Variants in SGCZ observed in about 807,000 individuals in gnomAD.
SGCZ encodes sarcoglycan zeta.
Under a neutral mutation model 41.3 loss-of-function variants are expected in SGCZ, and 40 were observed. The ratio of observed to expected loss-of-function variants is 0.97; its 90% CI spans 0.75 to 1.26. SGCZ has a LOEUF of 1.26. Ranked by LOEUF, SGCZ falls within the 50% of genes most tolerant of loss-of-function variation. SGCZ has a pLI of 0.00. For synonymous variants in SGCZ, 206 were observed against 137.5 expected (o/e 1.50, Z -3.49); for missense variants, 552 against 369.8 (o/e 1.49, Z -4.04).
chr8:14,823,459 G>A (rs1359611454), intron 1 of SGCZ, among the ~76,000 whole-genome samples: 1 of 151,948 alleles, frequency 6.6e-6, no homozygotes, highest in Non-Finnish European at 1.5e-5. Flanking sequence ...CATAAGAAAG[G>A]CCAACAGATA....
In SGCZ at chr8:14,843,949, G is replaced by C. The variant is rs373291171; in HGVS notation, c.40-289023C>G. On this transcript the variant is annotated intron_variant, in intron 1 of 7. Transcript: ENST00000382080. ...TGAAATAAGAAAAAAATTTAGGAAG[G>C]AAAGAAGATTTGATATCATGGGGAA... Among the ~76,000 whole-genome samples the C allele has an allele frequency of 4.4e-3, 661 of 151,708 alleles. 5 individuals are homozygous for C. Among genetic ancestry groups the C allele is most frequent in the South Asian group, 0.018 (87 of 4,800 alleles).
rs187071712 is a variant in SGCZ at position 14,351,417 on chromosome 8, T to C, written c.235-27213A>G. Among the ~76,000 whole-genome samples, 24 of 152,196 alleles carry C rather than the reference T, an allele frequency of 1.6e-4. 1 individual carries two copies. Among genetic ancestry groups the C allele is most frequent in the Middle Eastern group, 6.8e-3 (2 of 294 alleles). Reference sequence around the variant, plus strand: ...CTTCAGCCTTGTCTTCACCTTCTCTTACCTACCCTCATTTTTTATCTGCCA... The same window carrying C: ...CTTCAGCCTTGTCTTCACCTTCTCTCACCTACCCTCATTTTTTATCTGCCA... On this transcript the variant is annotated intron_variant, in intron 2 of 7. Coordinates refer to ENST00000382080, the MANE Select transcript of SGCZ (RefSeq NM_139167.4).
At chr8:14,177,958 C>CTTTTTTTTTTTTTTTT (rs147303437) in intron 4 of SGCZ, among the ~76,000 whole-genome samples, 2 of 95,048 alleles carry the variant, frequency 2.1e-5, no homozygotes, top group Non-Finnish European at 4.3e-5. Flanking sequence ...CTTTTTTTTT[C>CTTTTTTTTTTTTTTTT]TTTTTTTTTT....
At chr8:14,226,885 T>G (rs750011346) in intron 4 of SGCZ, among the ~76,000 whole-genome samples, 2 of 152,150 alleles carry the variant, frequency 1.3e-5, no homozygotes, top group Admixed American at 6.6e-5. Flanking sequence ...ATCTTTTATT[T>G]TAGTCACTAT....
intron 2 of SGCZ, among the ~76,000 whole-genome samples, chr8:14,384,937 C>A (rs747822750): frequency 2.0e-5 from 3 of 152,202 alleles, no homozygotes; most frequent in Non-Finnish European, 2.9e-5. Context: ...GAAAATGTTA[C>A]GTCAGAGGAC....
At chr8:14,546,621 A>G (rs1803636572) in intron 2 of SGCZ, among the ~76,000 whole-genome samples, 1 of 152,170 alleles carries the variant, frequency 6.6e-6, no homozygotes, top group African/African-American at 2.4e-5. Context: ...ATGAGAGATT[A>G]GGTACATTCT....
At chr8:14,373,402 G>A (rs1017563410) in intron 2 of SGCZ, among the ~76,000 whole-genome samples, 12 of 152,136 alleles carry the variant, frequency 7.9e-5, no homozygotes, top group East Asian at 3.9e-4. Flanking sequence ...ATGGGCTAGT[G>A]ATAATCATTT....
chr8:14,711,435 CAAAA>C (rs543412312), intron 1 of SGCZ, among the ~76,000 whole-genome samples: 76 of 102,952 alleles, frequency 7.4e-4, no homozygotes, highest in African/African-American at 2.4e-3. Context: ...ACTAAAAATA[CAAAA>C]AAAAAAAAAA....
chr8:14,256,576 C>T (rs1024397187), intron 3 of SGCZ, among the ~76,000 whole-genome samples: 1 of 152,040 alleles, frequency 6.6e-6, no homozygotes, highest in East Asian at 1.9e-4. Flanking sequence ...TTTCTCCTCC[C>T]TGAAGGTTTA....
intron 1 of SGCZ, among the ~76,000 whole-genome samples, chr8:14,655,191 G>T (rs565581852): frequency 1.9e-4 from 29 of 152,166 alleles, no homozygotes; most frequent in African/African-American, 5.8e-4. Flanking sequence ...GGTATGAACT[G>T]TAAGTTATTC....
chr8:15,163,049 G>C (rs1414885674), intron 1 of SGCZ, among the ~76,000 whole-genome samples: 1 of 152,166 alleles, frequency 6.6e-6, no homozygotes, highest in East Asian at 1.9e-4. Flanking sequence ...TCTCAGGTAT[G>C]CTATGACTAG....
chr8:14,267,258 T>G (rs1416665303), intron 3 of SGCZ, among the ~76,000 whole-genome samples: 1 of 152,056 alleles, frequency 6.6e-6, no homozygotes, highest in East Asian at 1.9e-4. Flanking sequence ...ACTGAACAAG[T>G]ATTATATGTC....
At chr8:14,390,260 T>C (rs901946873) in intron 2 of SGCZ, among the ~76,000 whole-genome samples, 4 of 151,888 alleles carry the variant, frequency 2.6e-5, no homozygotes, top group African/African-American at 9.7e-5. Context: ...GAAAGGGCAA[T>C]AACATGTTCT....
intron 1 of SGCZ, among the ~76,000 whole-genome samples, chr8:14,666,143 G>A (rs1286907095): frequency 2.0e-5 from 3 of 152,146 alleles, no homozygotes; most frequent in Admixed American, 6.6e-5. Flanking sequence ...TTTTTGCCAA[G>A]CATCCACCTG....
At chr8:14,974,957 A>G (rs936467048) in intron 1 of SGCZ, among the ~76,000 whole-genome samples, 1 of 152,194 alleles carries the variant, frequency 6.6e-6, no homozygotes, top group South Asian at 2.1e-4. Context: ...ATCTGTTGGG[A>G]AAAGGGACTT....
intron 1 of SGCZ, among the ~76,000 whole-genome samples, chr8:14,692,337 G>C (rs1397211265): frequency 6.6e-6 from 1 of 151,986 alleles, no homozygotes; most frequent in Non-Finnish European, 1.5e-5. Flanking sequence ...CATGAAAAGG[G>C]TGATTTACTA....
At chr8:15,078,081 C>G (rs1047039434) in intron 1 of SGCZ, among the ~76,000 whole-genome samples, 1 of 150,418 alleles carries the variant, frequency 6.6e-6, no homozygotes. Context: ...GGAGCCTGTC[C>G]TCTCTGGGTT....
Position 14,580,006 on chromosome 8 carries a change from G to C in SGCZ, c.40-25080C>G, listed in dbSNP as rs77051759. Among the ~76,000 whole-genome samples the C allele has an allele frequency of 3.9e-3, 598 of 152,302 alleles. 5 individuals are homozygous for C. Among genetic ancestry groups the C allele is most frequent in the South Asian group, 0.017 (82 of 4,828 alleles). ...TTTAAGGAGCAGTTAACCACGAGTG[G>C]CTCTGAAGCACTGAAGGCCTGTTTG... On this transcript the variant is annotated intron_variant, in intron 1 of 7. Transcript: ENST00000382080.
chr8:14,565,025 T>C (rs1042590343), intron 1 of SGCZ, among the ~76,000 whole-genome samples: 1 of 151,552 alleles, frequency 6.6e-6, no homozygotes, highest in Admixed American at 6.6e-5. Flanking sequence ...AGAAGCAACC[T>C]AGCAACTGAA....
Sources: gnomAD v4.1 joint callset for allele counts (sites outside exome capture counted in the v4.1 genomes callset) on GRCh38, gnomAD v4.1.1 for gene constraint, MANE v1.5 for transcripts, NCBI Gene and HGNC (gene_info 2026-07-23, HGNC 2026-07-21) for gene names.